TUSC3: variants seen among roughly 807,000 people sequenced by gnomAD.
TUSC3 encodes dolichyl-diphosphooligosaccharide--protein glycosyltransferase subunit TUSC3.
Under a neutral mutation model 44.8 loss-of-function variants are expected in TUSC3, and 45 were observed. The ratio of observed to expected loss-of-function variants is 1.00; its 90% CI spans 0.79 to 1.29. The LOEUF is 1.29. Among genes scored for constraint, TUSC3 ranks in the 50% most tolerant of loss-of-function variants. The probability of loss-of-function intolerance (pLI) is 0.00; values close to 1 mark genes in which losing one functional copy is unlikely to be tolerated. For missense variants in TUSC3, 519 were observed against 437.9 expected, an observed-to-expected ratio of 1.19 and a Z score of -1.65; for synonymous variants, 212 against 152.9, an observed-to-expected ratio of 1.39 and a Z score of -2.85.
upstream of TUSC3, among the ~76,000 whole-genome samples, chr8:15,539,193 T>G (rs944495367): frequency 2.6e-5 from 4 of 151,930 alleles, no homozygotes; most frequent in African/African-American, 9.7e-5. Flanking sequence ...ATGTGCTATT[T>G]TAAGAAGGCG....
At chr8:15,662,797 G>T (rs1199980052) in intron 5 of TUSC3, among the ~76,000 whole-genome samples, 1 of 151,942 alleles carries the variant, frequency 6.6e-6, no homozygotes, top group Admixed American at 6.6e-5. Flanking sequence ...GGTTATGTGT[G>T]CTATGACGGC....
chr8:15,800,954 G>C, the TUSC3 span, among the ~76,000 whole-genome samples: 1 of 152,106 alleles, frequency 6.6e-6, no homozygotes, highest in Non-Finnish European at 1.5e-5. Flanking sequence ...AATATTTATT[G>C]AGCTCTTATT....
chr8:15,771,203 T>C (rs1461301109), downstream of TUSC3, among the ~76,000 whole-genome samples: 1 of 152,166 alleles, frequency 6.6e-6, no homozygotes, highest in African/African-American at 2.4e-5. Context: ...AAAAAGAGTC[T>C]GTTCTACATA....
intron 1 of TUSC3, among the ~76,000 whole-genome samples, chr8:15,622,557 C>T (rs1217260129): frequency 2.0e-5 from 3 of 152,196 alleles, no homozygotes; most frequent in Non-Finnish European, 4.4e-5. Context: ...CCAGACTAGC[C>T]ACCATAATGA....
intron 1 of TUSC3, among the ~76,000 whole-genome samples, chr8:15,609,062 C>A (rs990233805): frequency 7.9e-5 from 12 of 152,058 alleles, no homozygotes; most frequent in African/African-American, 2.7e-4. Flanking sequence ...CTGTTGGATT[C>A]TATTGAATTT....
chr8:15,567,153 A>G (rs115008051), intron 1 of TUSC3, among the ~76,000 whole-genome samples: 117 of 152,280 alleles, frequency 7.7e-4, no homozygotes, highest in African/African-American at 2.6e-3. Context: ...GCCAGATCCA[A>G]GATTCTTTGA....
intron 2 of TUSC3, among the ~76,000 whole-genome samples, chr8:15,645,238 C>A (rs1304517313): frequency 6.6e-6 from 1 of 152,102 alleles, no homozygotes; most frequent in East Asian, 1.9e-4. Flanking sequence ...AAGCTGGGTC[C>A]TATTTATGTT....
At chr8:15,832,494 G>A in the TUSC3 span, among the ~76,000 whole-genome samples, 2 of 152,042 alleles carry the variant, frequency 1.3e-5, no homozygotes, top group African/African-American at 4.8e-5. Context: ...GTGGCAAGCT[G>A]GATAAAGAAC....
intron 1 of TUSC3, among the ~76,000 whole-genome samples, chr8:15,556,483 T>C (rs62504174): frequency 0.2 from 29,494 of 151,064 alleles, 3,224 homozygotes; most frequent in South Asian, 0.25. Flanking sequence ...TGTGTCCTTA[T>C]AGCAATACGA....
chr8:15,833,066 T>C, the TUSC3 span, among the ~76,000 whole-genome samples: 8 of 152,210 alleles, frequency 5.3e-5, no homozygotes, highest in South Asian at 4.1e-4. Flanking sequence ...ACAGACGCTT[T>C]TCAAAAGAAG....
chr8:15,559,666 G>T (rs1357453875), intron 1 of TUSC3, among the ~76,000 whole-genome samples: 2 of 136,524 alleles, frequency 1.5e-5, no homozygotes, highest in African/African-American at 5.4e-5. Context: ...CTCAGGACTT[G>T]CTTTATGAAT....
At chr8:15,490,641 T>C (rs1041067946) in intron 2 of TUSC3, among the ~76,000 whole-genome samples, 2 of 152,188 alleles carry the variant, frequency 1.3e-5, no homozygotes, top group African/African-American at 4.8e-5. Flanking sequence ...TAAAACATGA[T>C]ACATTTGCCC....
intron 1 of TUSC3, among the ~76,000 whole-genome samples, chr8:15,552,153 T>C (rs1802080894): frequency 1.3e-5 from 2 of 151,838 alleles, no homozygotes; most frequent in African/African-American, 4.8e-5. Context: ...TTGATGATTT[T>C]ACGTAGAAAT....
chr8:15,696,195 G>T (rs1585240921), intron 6 of TUSC3, among the ~76,000 whole-genome samples: 4 of 152,246 alleles, frequency 2.6e-5, no homozygotes, highest in South Asian at 4.1e-4. Context: ...CTGGGCTCAG[G>T]GTCCTCGTGC....
intron 1 of TUSC3, among the ~76,000 whole-genome samples, chr8:15,554,683 A>C (rs934920073): frequency 6.8e-6 from 1 of 147,828 alleles, no homozygotes; most frequent in African/African-American, 2.5e-5. Flanking sequence ...GCTCACTGCA[A>C]GCTCTGCCTC....
At chr8:15,638,538 T>G (rs1466299638) in intron 2 of TUSC3, among the ~76,000 whole-genome samples, 2 of 64,390 alleles carry the variant, frequency 3.1e-5, no homozygotes, top group African/African-American at 1.3e-4. Flanking sequence ...TTTTTTTTTT[T>G]TGGAGACAAG....
At chr8:15,755,633 A>T (rs1811895018) in intron 9 of TUSC3, among the ~76,000 whole-genome samples, 1 of 152,100 alleles carries the variant, frequency 6.6e-6, no homozygotes, top group Admixed American at 6.6e-5. Flanking sequence ...ACAAAAATGC[A>T]AAATGAAGAC....
At chr8:15,639,747 GTCC>G (rs1806274650) in intron 2 of TUSC3, among the ~76,000 whole-genome samples, 1 of 146,780 alleles carries the variant, frequency 6.8e-6, no homozygotes, top group Non-Finnish European at 1.5e-5. Flanking sequence ...TCAGACCTTA[GTCC>G]TCAAATAATT....
chr8:15,494,539 A>G (rs766069486), intron 2 of TUSC3, among the ~76,000 whole-genome samples: 4 of 152,070 alleles, frequency 2.6e-5, no homozygotes, highest in African/African-American at 4.8e-5. Context: ...GGATGGTCTC[A>G]ATCTCTTGAC....
Sources: gnomAD v4.1 joint callset for allele counts (sites outside exome capture counted in the v4.1 genomes callset) on GRCh38, gnomAD v4.1.1 for gene constraint, MANE v1.5 for transcripts, NCBI Gene and HGNC (gene_info 2026-07-23, HGNC 2026-07-21) for gene names.